Variants in AHCYL2 observed in about 807,000 individuals in gnomAD.
AHCYL2 encodes the protein adenosylhomocysteinase like 2, also known as S-adenosylhomocysteine hydrolase-like protein 2.
In AHCYL2, 28 loss-of-function variants were observed where a neutral mutation model predicts 81.4. That is an observed-to-expected ratio of 0.34 (90% CI 0.25 to 0.47). The LOEUF is 0.47. AHCYL2 is among the 20% of genes least tolerant of loss of function. The pLI, the probability that AHCYL2 is intolerant of heterozygous loss-of-function variation, is 1.00. For synonymous variants in AHCYL2, 272 were observed against 290.2 expected (o/e 0.94, Z 0.64); for missense variants, 551 against 785.1 (o/e 0.70, Z 3.56).
intron 1 of AHCYL2, among the ~76,000 whole-genome samples, chr7:129,296,064 C>A (rs1384678738): frequency 1.3e-5 from 2 of 152,214 alleles, no homozygotes; most frequent in African/African-American, 4.8e-5. Context: ...TTCGCTGCTT[C>A]AATCCCCATT....
At position 129,426,309 on chromosome 7, in the gene AHCYL2, G is replaced by A. The variant is rs891506598; in HGVS notation, c.1709-134G>A. 12 of 1,365,222 alleles carry A rather than the reference G, an allele frequency of 8.8e-6. No individual in the cohort carries two copies. Among genetic ancestry groups the A allele is most frequent in the Admixed American group, 3.5e-5 (2 of 57,912 alleles). The allele number at this position is 1,365,222 out of a possible 1,614,324, so 84.6% of individuals were successfully genotyped here. ...TCCTTAGAATTGAGGACCAGTGAGC[G>A]AAGGTTGAACATTTTTCATTCAGCT... On this transcript the variant is annotated intron_variant, in intron 15 of 16. Transcript: ENST00000325006. The surrounding 1 kb of genome is among the most constrained non-coding windows in gnomAD (Gnocchi z 4.3).
intron 1 of AHCYL2, among the ~76,000 whole-genome samples, chr7:129,304,863 G>A (rs1318466347): frequency 1.3e-5 from 2 of 150,976 alleles, no homozygotes; most frequent in Non-Finnish European, 2.9e-5. Flanking sequence ...TGATTGGGGA[G>A]TTTAGTCCAT....
At chr7:129,237,409 T>C (rs1296847944) in intron 1 of AHCYL2, among the ~76,000 whole-genome samples, 1 of 152,242 alleles carries the variant, frequency 6.6e-6, no homozygotes. Flanking sequence ...TTTTCTTTCT[T>C]AACTCTTAGT....
At chr7:129,288,312 CCTTT>C (rs1261052545) in intron 1 of AHCYL2, among the ~76,000 whole-genome samples, 1 of 149,920 alleles carries the variant, frequency 6.7e-6, no homozygotes, top group Non-Finnish European at 1.5e-5. Context: ...TTAACGTGTT[CCTTT>C]GTCTTCTGCA....
intron 1 of AHCYL2, among the ~76,000 whole-genome samples, chr7:129,237,767 G>T (rs879257357): frequency 6.6e-6 from 1 of 151,926 alleles, no homozygotes. Flanking sequence ...TTGCTGTGTC[G>T]CCCAGGCTAG....
intron 1 of AHCYL2, among the ~76,000 whole-genome samples, chr7:129,319,800 C>G (rs1797952697): frequency 6.6e-6 from 1 of 152,120 alleles, no homozygotes; most frequent in African/African-American, 2.4e-5. Flanking sequence ...AATTTGTTAT[C>G]AGGTTTACTG....
chr7:129,249,051 G>A (rs922663856), intron 1 of AHCYL2, among the ~76,000 whole-genome samples: 6 of 143,006 alleles, frequency 4.2e-5, no homozygotes, highest in Admixed American at 1.5e-4. Context: ...AGGCTGGAGT[G>A]CAGTGGCGCG....
intron 1 of AHCYL2, among the ~76,000 whole-genome samples, chr7:129,296,283 A>C (rs2150756389): frequency 6.6e-6 from 1 of 152,378 alleles, no homozygotes; most frequent in African/African-American, 2.4e-5. Context: ...GCCAGTGAGT[A>C]ACCTCTGTAC....
intron 6 of AHCYL2, among the ~76,000 whole-genome samples, chr7:129,401,678 A>G (rs545261766): frequency 6.6e-6 from 1 of 152,316 alleles, no homozygotes; most frequent in South Asian, 2.1e-4. Context: ...TTTAATAGTG[A>G]CACAAGGGAG....
chr7:129,303,728 G>A (rs1797329528), intron 1 of AHCYL2, among the ~76,000 whole-genome samples: 1 of 152,032 alleles, frequency 6.6e-6, no homozygotes, highest in African/African-American at 2.4e-5. Context: ...TATTTAAGAT[G>A]CATTGTTAGG....
chr7:129,351,274 G>C (rs1376346873), intron 1 of AHCYL2, among the ~76,000 whole-genome samples: 1 of 152,166 alleles, frequency 6.6e-6, no homozygotes, highest in Non-Finnish European at 1.5e-5. Context: ...AGAGATTATA[G>C]TAGGTATACC....
At chr7:129,363,747 A>G (rs933443077) in intron 1 of AHCYL2, among the ~76,000 whole-genome samples, 41 of 152,098 alleles carry the variant, frequency 2.7e-4, no homozygotes, top group Non-Finnish European at 7.4e-5. Flanking sequence ...CATGTTGGCC[A>G]GGCTGGTATC....
At chr7:129,285,696 CTTTTTTTTTT>C (rs71526096) in intron 1 of AHCYL2, among the ~76,000 whole-genome samples, 1 of 100,598 alleles carries the variant, frequency 9.9e-6, no homozygotes, top group South Asian at 3.7e-4. Flanking sequence ...CTCTCTCTCT[CTTTTTTTTTT>C]TTTTTTTTTT....
intron 1 of AHCYL2, among the ~76,000 whole-genome samples, chr7:129,308,129 C>T (rs1011386255): frequency 3.9e-5 from 6 of 152,088 alleles, no homozygotes; most frequent in African/African-American, 1.4e-4. Context: ...CCCCTCAAGT[C>T]CCCTGGCTCC....
At chr7:129,379,242 C>T (rs947981516) in intron 1 of AHCYL2, among the ~76,000 whole-genome samples, 8 of 149,854 alleles carry the variant, frequency 5.3e-5, no homozygotes, top group Admixed American at 6.6e-5. Flanking sequence ...ATCGTGCCAC[C>T]GCACTGCAGC....
At position 129,379,689 on chromosome 7, in the gene AHCYL2, A is replaced by G. The variant is rs143305987; in HGVS notation, c.415A>G (p.Ile139Val). ...KQEFNKRPTK[I>V]GRRSLSRSIS... ...AGAATTCAACAAACGTCCCACCAAA[A>G]TTGGACGTCGCTCTTTGTCTCGTTC... Residue 139 changes from isoleucine (I) to valine (V), a missense_variant, in exon 2 of 17, where the codon ATT becomes GTT. Ile to Val is a conservative substitution (Grantham distance 29). Coordinates refer to ENST00000325006, the MANE Select transcript of AHCYL2 (RefSeq NM_015328.4). 3.1e-5 allele frequency: 50 copies of G among 1,614,064 alleles called. No homozygotes were observed. The African/African-American group carries it at 4.8e-4, about 15-fold the overall frequency.
intron 6 of AHCYL2, among the ~76,000 whole-genome samples, chr7:129,402,542 G>A (rs896935848): frequency 6.6e-6 from 1 of 152,216 alleles, no homozygotes; most frequent in Non-Finnish European, 1.5e-5. Context: ...ACTTCTGACA[G>A]CCTAGGGAAG....
Position 129,389,750 on chromosome 7 carries a change from TTCTCCTTTTA to T in AHCYL2, c.720+17_720+26del. The T allele has an allele frequency of 6.3e-7, 1 of 1,592,516 alleles. No individual in the cohort carries two copies. Among genetic ancestry groups the T allele is most frequent in the Non-Finnish European group, 8.5e-7 (1 of 1,172,298 alleles). On this transcript the variant is annotated intron_variant, in intron 4 of 16. Coordinates refer to ENST00000325006, the MANE Select transcript of AHCYL2 (RefSeq NM_015328.4). Reference sequence around the variant, plus strand: ...TCAGACTGCTGTGAGTTCTTTTCTTTTCTCCTTTTAATTACAATAGTTAATAATAGCCACG... The same window carrying T: ...TCAGACTGCTGTGAGTTCTTTTCTTTATTACAATAGTTAATAATAGCCACG...
At position 129,422,843 on chromosome 7, in the gene AHCYL2, A is replaced by G. The variant is rs144204655; in HGVS notation, c.1465A>G (p.Ser489Gly). ...GTACTTGCTGTATGTGTTCCAGGCG[A>G]GTCTGCGGACACCAGAACTGACCTG... Reference protein sequence around the residue: ...GHSNTEIDVASLRTPELTWER... With the variant: ...GHSNTEIDVAGLRTPELTWER... The change falls in exon 13 of 17, where the codon AGT (serine) becomes GGT (glycine). Residue 489 changes from serine to glycine, a missense_variant. Around this residue, in one of 2 missense-constraint regions of AHCYL2, gnomAD observed 316 missense variants for 543.1 expected, o/e 0.58. Coordinates refer to ENST00000325006, the MANE Select transcript of AHCYL2 (RefSeq NM_015328.4). The G allele has an allele frequency of 5.0e-6, 8 of 1,613,902 alleles. No individual in the cohort carries two copies. The highest frequency in any genetic ancestry group is 2.7e-5 in the African/African-American group (2 of 74,910).
Sources: allele counts gnomAD v4.1 joint callset (sites outside exome capture counted in the v4.1 genomes callset), GRCh38; gene constraint gnomAD v4.1.1; regional missense constraint gnomAD v4.1.1; non-coding constraint Gnocchi (gnomAD v3.1); transcripts MANE v1.5; gene names NCBI Gene and HGNC (gene_info 2026-07-23, HGNC 2026-07-21).